The following SMARCA4 variants were observed in gnomAD, a reference collection of about 807,000 sequenced individuals.
SMARCA4 encodes SWI/SNF related BAF chromatin remodeling complex subunit ATPase 4, also known as SWI/SNF-related matrix-associated actin-dependent regulator of chromatin subfamily A member 4.
Under a neutral mutation model 193.9 loss-of-function variants are expected in SMARCA4, and 31 were observed. The observed-to-expected ratio is 0.16, with a 90% CI of 0.12 to 0.22. The LOEUF (loss-of-function observed/expected upper bound fraction) is 0.22, where lower values mean the gene tolerates loss of function less well. Among genes scored for constraint, SMARCA4 ranks in the 10% least tolerant of loss-of-function variants. The pLI, the probability that SMARCA4 is intolerant of heterozygous loss-of-function variation, is 1.00. For missense variants in SMARCA4, 1,148 were observed against 2,296.0 expected, an observed-to-expected ratio of 0.50 and a Z score of 10.22; for synonymous variants, 942 against 933.1, an observed-to-expected ratio of 1.01 and a Z score of -0.17.
chr19:11,050,266 C>G (rs1020963115), intron 30 of SMARCA4, among the ~76,000 whole-genome samples: 1 of 152,252 alleles, frequency 6.6e-6, no homozygotes, highest in African/African-American at 2.4e-5. Flanking sequence ...CTAAGCCTCA[C>G]AAGAGCTCTG....
intron 16 of SMARCA4, among the ~76,000 whole-genome samples, chr19:11,018,612 T>C (rs2089588223): frequency 6.6e-6 from 1 of 152,244 alleles, no homozygotes; most frequent in African/African-American, 2.4e-5. Context: ...GCGTGAAGCC[T>C]GTGCTCTGAA....
intron 1 of SMARCA4, 110 bp downstream of exon 1, chr19:10,961,284 C>T (rs2083776312): frequency 6.7e-6 from 1 of 148,924 alleles, no homozygotes; most frequent in Admixed American, 6.7e-5. Flanking sequence ...CTGTGCGGGG[C>T]CGGGGTACGG....
At chr19:11,047,977 G>T (rs1260472434) in intron 30 of SMARCA4, among the ~76,000 whole-genome samples, 4 of 152,124 alleles carry the variant, frequency 2.6e-5, no homozygotes, top group African/African-American at 4.8e-5. Flanking sequence ...ATTATTATTT[G>T]CCCATCATTG....
chr19:11,048,159 T>G (rs953268164), intron 30 of SMARCA4, among the ~76,000 whole-genome samples: 3 of 152,174 alleles, frequency 2.0e-5, no homozygotes, highest in Admixed American at 1.3e-4. Context: ...AACAGCTCAC[T>G]TTTTTGTCTC....
chr19:10,977,992 C>T (rs1178029635), intron 1 of SMARCA4, among the ~76,000 whole-genome samples: 1 of 152,240 alleles, frequency 6.6e-6, no homozygotes, highest in Non-Finnish European at 1.5e-5. Context: ...TCCCTGTCAT[C>T]TGTCAGCTGG....
At position 11,010,283 on chromosome 19, in the gene SMARCA4, A is replaced by G. The variant is rs530185179; in HGVS notation, c.2124-98A>G. ...TTACAGTGCTGGCCACAGGTCATTCAGCAGAAAGGGCCACTCCGCAGAGCT... is the reference window on the plus strand; with the variant it reads ...TTACAGTGCTGGCCACAGGTCATTCGGCAGAAAGGGCCACTCCGCAGAGCT... On this transcript the variant is annotated intron_variant, in intron 14 of 34. Coordinates refer to ENST00000344626, the MANE Select transcript of SMARCA4 (RefSeq NM_003072.5). The G allele has an allele frequency of 2.3e-4, 317 of 1,349,386 alleles. 1 individual carries two copies. In the East Asian group the frequency reaches 6.6e-3, roughly 28 times the overall value. 83.6% of individuals were successfully genotyped at this position (1,349,386 alleles called of 1,614,324 possible). A position where few individuals can be genotyped will look rare whatever the true frequency, so the allele number is the denominator to read the frequency against.
At position 11,061,991 on chromosome 19, in the gene SMARCA4, C is replaced by T. The variant is rs1437069294; in HGVS notation, c.*175C>T. The T allele has an allele frequency of 1.5e-6, 1 of 672,554 alleles. No individual in the cohort carries two copies. The highest frequency in any genetic ancestry group is 2.7e-6 in the Non-Finnish European group (1 of 370,496). The allele number at this position is 672,554 out of a possible 1,614,324, so 41.7% of individuals were successfully genotyped here. Reference sequence around the variant, plus strand: ...AGCTGTAGGACTGTTTGTGACTGGCCCTGTCCTGGCATCAGTAGCATCTGT... The same window carrying T: ...AGCTGTAGGACTGTTTGTGACTGGCTCTGTCCTGGCATCAGTAGCATCTGT... On this transcript the variant is annotated 3_prime_UTR_variant, in exon 35 of 35. Transcript: ENST00000344626.
intron 34 of SMARCA4, among the ~76,000 whole-genome samples, chr19:11,061,164 G>T (rs1687375872): frequency 7.2e-6 from 1 of 138,462 alleles, no homozygotes; most frequent in African/African-American, 2.8e-5. Flanking sequence ...CTCCAGCCTG[G>T]GCAACAGAGC....
In SMARCA4 at chr19:11,059,812, G is replaced by A. The variant is rs200665075; in HGVS notation, c.4695G>A (p.Glu1565=). ...TCACCAGCGTGCGGCAGAAAATCGAGAAGGAGGATGACAGTGAAGGCGAGG... is the reference window on the plus strand; with the variant it reads ...TCACCAGCGTGCGGCAGAAAATCGAAAAGGAGGATGACAGTGAAGGCGAGG... ...SVFTSVRQKI[E]KEDDSEGEES... is the part of the protein sequence containing the mutation. The change falls in exon 33 of 35, where the codon GAG becomes GAA. Residue 1565 remains glutamate (E), a synonymous_variant. Coordinates refer to ENST00000344626, the MANE Select transcript of SMARCA4 (RefSeq NM_003072.5). 2.5e-6 allele frequency: 4 copies of A among 1,612,676 alleles called. No homozygotes were observed. The East Asian group carries it at 8.9e-5, about 36-fold the overall frequency.
chr19:10,964,403 C>T (rs888958754), intron 1 of SMARCA4, among the ~76,000 whole-genome samples: 13 of 149,442 alleles, frequency 8.7e-5, no homozygotes, highest in African/African-American at 2.2e-4. Flanking sequence ...CTCTGCCTCC[C>T]GGGTTCAAGC....
chr19:11,060,381 G>C (rs963282865), intron 34 of SMARCA4, 194 bp downstream of exon 34: 1 of 689,346 alleles, frequency 1.5e-6, no homozygotes, highest in African/African-American at 1.8e-5. Flanking sequence ...AGCCAAGCCT[G>C]TGTGACCCCG....
chr19:11,060,298 G>A (rs2076793457), intron 34 of SMARCA4, 111 bp downstream of exon 34: 1 of 1,348,098 alleles, frequency 7.4e-7, no homozygotes, highest in South Asian at 1.3e-5. Context: ...GCTGCAGGTG[G>A]GAAAGCTGAG....
At chr19:11,035,885 A>G (rs1332572977) in intron 29 of SMARCA4, among the ~76,000 whole-genome samples, 1 of 152,222 alleles carries the variant, frequency 6.6e-6, no homozygotes, top group African/African-American at 2.4e-5. Context: ...TCTGAGTTAT[A>G]GAGACGATGA....
chr19:11,049,006 G>A (rs1167600217), intron 30 of SMARCA4, among the ~76,000 whole-genome samples: 1 of 152,174 alleles, frequency 6.6e-6, no homozygotes, highest in African/African-American at 2.4e-5. Context: ...CTCCTGCTCA[G>A]GGGCCACAGT....
intron 29 of SMARCA4, among the ~76,000 whole-genome samples, chr19:11,037,097 C>T (rs955711763): frequency 2.0e-5 from 3 of 152,364 alleles, no homozygotes; most frequent in Middle Eastern, 3.4e-3. Flanking sequence ...TGAACATTCA[C>T]GTACACGTTT....
At chr19:10,982,264 A>G (rs2085613454) in intron 1 of SMARCA4, among the ~76,000 whole-genome samples, 1 of 152,096 alleles carries the variant, frequency 6.6e-6, no homozygotes, top group South Asian at 2.1e-4. Context: ...TCACGAGGTC[A>G]GGAGTTCAAG....
In SMARCA4 at chr19:11,058,353, A is replaced by G. The variant is rs1400097305; in HGVS notation, c.4523A>G (p.Lys1508Arg). 2.5e-6 allele frequency: 4 copies of G among 1,610,298 alleles called. No homozygotes were observed. In the East Asian group the frequency reaches 8.9e-5, roughly 36 times the overall value. The change falls in exon 31 of 35, where the codon AAG becomes AGG. Residue 1508 changes from lysine (K) to arginine (R), a missense_variant. Coordinates refer to ENST00000344626, the MANE Select transcript of SMARCA4 (RefSeq NM_003072.5). This position sits in a 1 kb window ranked among gnomAD's most constrained non-coding sequence, Gnocchi z 5.8. ...YELIRKPVDF[K>R]KIKERIRNHK... ...CTCATCCGCAAGCCCGTGGACTTCA[A>G]GAAGATAAAGGTAACCCTGACGTTG...
chr19:10,981,417 C>T (rs767148852), intron 1 of SMARCA4, among the ~76,000 whole-genome samples: 18 of 152,346 alleles, frequency 1.2e-4, no homozygotes, highest in Non-Finnish European at 2.1e-4. Flanking sequence ...GAGGCCAGGG[C>T]GGCATCTCAT....
In SMARCA4 at chr19:11,030,727, C is replaced by A. The variant is rs371558035; in HGVS notation, c.3383-3C>A. 34 of 1,610,890 alleles carry A rather than the reference C, an allele frequency of 2.1e-5. No individual in the cohort carries two copies. The highest frequency in any genetic ancestry group is 2.8e-5 in the Non-Finnish European group (33 of 1,178,912). On this transcript the variant is annotated splice_polypyrimidine_tract_variant and splice_region_variant and intron_variant, in intron 24 of 34. Coordinates refer to ENST00000344626, the MANE Select transcript of SMARCA4 (RefSeq NM_003072.5). The surrounding 1 kb of genome is among the most constrained non-coding windows in gnomAD (Gnocchi z 5.5). ...TGACCCTGTTCTCCTCTGTGCCCGT[C>A]AGGAACCACGAAGGCGGAGGACCGG...
Sources: gnomAD v4.1 joint callset for allele counts (sites outside exome capture counted in the v4.1 genomes callset) on GRCh38, gnomAD v4.1.1 for gene constraint, Gnocchi (gnomAD v3.1) non-coding constraint, MANE v1.5 for transcripts, NCBI Gene and HGNC (gene_info 2026-07-23, HGNC 2026-07-21) for gene names.